The following NDRG4 variants were observed in gnomAD, a reference collection of about 807,000 sequenced individuals.
The protein encoded by NDRG4 is protein NDRG4.
Under a neutral mutation model 55.8 loss-of-function variants are expected in NDRG4, and 38 were observed. The ratio of observed to expected loss-of-function variants is 0.68; its 90% CI spans 0.53 to 0.89. NDRG4 has a LOEUF of 0.89. Ranked by LOEUF, NDRG4 falls within the 40% of genes least tolerant of loss-of-function variation. The pLI, the probability that NDRG4 is intolerant of heterozygous loss-of-function variation, is 0.00. For missense variants in NDRG4, 455 were observed against 468.6 expected (o/e 0.97, Z 0.27); for synonymous variants, 190 against 182.7 (o/e 1.04, Z -0.32).
intron 1 of NDRG4, chr16:58,465,057 G>C: frequency 7.8e-7 from 1 of 1,273,912 alleles, no homozygotes; most frequent in South Asian, 1.3e-5. Flanking sequence ...AAGAGCGAAC[G>C]GTCAGGAAGA....
chr16:58,467,748 C>T (rs891265248), intron 1 of NDRG4, among the ~76,000 whole-genome samples: 13 of 152,168 alleles, frequency 8.5e-5, no homozygotes, highest in African/African-American at 2.9e-4. Flanking sequence ...ATGGGATCGT[C>T]GTGGTGCCTA....
intron 1 of NDRG4, among the ~76,000 whole-genome samples, chr16:58,473,122 CCT>C (rs2033109584): frequency 6.6e-6 from 1 of 152,054 alleles, no homozygotes; most frequent in African/African-American, 2.4e-5. Context: ...ATTATCCTTC[CCT>C]CTGTTCCTTC....
chr16:58,500,173 C>T lies in NDRG4; in HGVS notation c.-76C>T. 6.5e-7 allele frequency: 1 copy of T among 1,535,852 alleles called. No individual in the cohort carries two copies. Among genetic ancestry groups the T allele is most frequent in the Non-Finnish European group, 8.7e-7 (1 of 1,146,800 alleles). On this transcript the variant is annotated 5_prime_UTR_variant, in exon 1 of 15. Coordinates refer to ENST00000570248, the MANE Select transcript of NDRG4 (RefSeq NM_001242835.2). ...GCCGACCATCTCCCACTCGAGCTGCCCCCGCCCTCTGGACCCGAGTGACTC... is the reference window on the plus strand; with the variant it reads ...GCCGACCATCTCCCACTCGAGCTGCTCCCGCCCTCTGGACCCGAGTGACTC...
intron 2 of NDRG4, chr16:58,494,813 T>C (rs534051871): frequency 2.3e-5 from 14 of 603,796 alleles, no homozygotes; most frequent in African/African-American, 1.4e-4. Flanking sequence ...GCCTGGGTGA[T>C]AGAGTGAGAC....
Position 58,505,713 on chromosome 16 carries a change from C to CTTTTTTTTTTTTTTTTTTTTTTT in NDRG4, c.373-670_373-648dup, listed in dbSNP as rs1028370131. ...ATTTATATCATGAGGGCTTCATTTT[C>CTTTTTTTTTTTTTTTTTTTTTTT]TTTTTTTTTTTTTTTTTTTTTTTTT... On this transcript the variant is annotated intron_variant, in intron 5 of 14. Transcript: ENST00000570248. Among the ~76,000 whole-genome samples, 8 of 58,634 alleles carry CTTTTTTTTTTTTTTTTTTTTTTT rather than the reference C, an allele frequency of 1.4e-4. 1 individual carries two copies. Among genetic ancestry groups the CTTTTTTTTTTTTTTTTTTTTTTT allele is most frequent in the African/African-American group, 6.1e-4 (8 of 13,026 alleles). The allele number at this position is 58,634 out of a possible 152,430, so 38.5% of individuals were successfully genotyped here.
rs772800875 is a variant in NDRG4, at chr16:58,511,615, C to A, written c.*39C>A. On this transcript the variant is annotated 3_prime_UTR_variant, in exon 15 of 15. Transcript: ENST00000570248. The stretch of plus-strand genomic sequence containing the variant: ...GCTGACGACGCCCACGTCGAGGCCC[C>A]ACCGCCATCCTTGCGCCGGCTCATG... 4 of 1,612,192 alleles carry A rather than the reference C, an allele frequency of 2.5e-6. No homozygotes were observed. Among genetic ancestry groups the A allele is most frequent in the Non-Finnish European group, 3.4e-6 (4 of 1,179,246 alleles).
At chr16:58,505,983 A>G in intron 5 of NDRG4, 1 of 320,190 alleles carries the variant, frequency 3.1e-6, no homozygotes, top group South Asian at 2.6e-5. Flanking sequence ...TGGCCTCCCA[A>G]AGTGCTGGGA....
chr16:58,506,169 T>C lies in NDRG4; in HGVS notation c.373-218T>C, dbSNP rs1048509739. On this transcript the variant is annotated intron_variant, in intron 5 of 14. Coordinates refer to ENST00000570248, the MANE Select transcript of NDRG4 (RefSeq NM_001242835.2). ...GTGTGTGTGTGTGTCTGTGTGTGTG[T>C]AGGGGTGGAAACAATGATAGAGATT... The C allele has an allele frequency of 1.0e-5, 7 of 673,198 alleles. No homozygotes were observed. In the East Asian group the frequency reaches 1.5e-4, roughly 14 times the overall value. The allele number at this position is 673,198 out of a possible 1,614,324, so 41.7% of individuals were successfully genotyped here. A position where few individuals can be genotyped will look rare whatever the true frequency, so the allele number is the denominator to read the frequency against.
intron 5 of NDRG4, among the ~76,000 whole-genome samples, chr16:58,505,708 ATTTTCTTTTTT>A (rs1159019228): frequency 4.2e-5 from 3 of 70,626 alleles, no homozygotes; most frequent in East Asian, 4.2e-4. Flanking sequence ...TGAGGGCTTC[ATTTTCTTTTTT>A]TTTTTTTTTT....
At chr16:58,471,602 C>T (rs1459541279) in intron 1 of NDRG4, among the ~76,000 whole-genome samples, 2 of 152,180 alleles carry the variant, frequency 1.3e-5, no homozygotes, top group Non-Finnish European at 2.9e-5. Context: ...AAGCTGTCAT[C>T]ATACACCACC....
rs781094472 is a variant in NDRG4, at chr16:58,503,914, C to A, written c.127+11C>A. On this transcript the variant is annotated intron_variant, in intron 2 of 14. Transcript: ENST00000570248. ...ATGTGGGCCTCAACCGTAAGTGCAGCCCAGCCTCAGTCAGCCCTCCTCTGC... is the reference window on the plus strand; with the variant it reads ...ATGTGGGCCTCAACCGTAAGTGCAGACCAGCCTCAGTCAGCCCTCCTCTGC... 1.2e-6 allele frequency: 2 copies of A among 1,613,078 alleles called. No homozygotes were observed. The highest frequency in any genetic ancestry group is 1.3e-5 in the African/African-American group (1 of 74,912).
At chr16:58,467,024 A>G (rs1401276182) in intron 1 of NDRG4, among the ~76,000 whole-genome samples, 1 of 152,106 alleles carries the variant, frequency 6.6e-6, no homozygotes, top group Non-Finnish European at 1.5e-5. Flanking sequence ...CCCCCATTGG[A>G]TAACAAGCAG....
At chr16:58,501,957 T>C (rs1207936560) in intron 1 of NDRG4, 1 of 455,520 alleles carries the variant, frequency 2.2e-6, no homozygotes, top group Non-Finnish European at 4.4e-6. Flanking sequence ...GGAGGCGCAT[T>C]GCAGTTCTTT....
intron 1 of NDRG4, among the ~76,000 whole-genome samples, chr16:58,470,386 G>C (rs533171721): frequency 1.3e-5 from 2 of 152,284 alleles, no homozygotes; most frequent in South Asian, 4.1e-4. Flanking sequence ...CTAAGGAGGA[G>C]GAACCAGCAA....
downstream of NDRG4, among the ~76,000 whole-genome samples, chr16:58,514,159 C>T (rs1350933429): frequency 6.6e-6 from 1 of 152,154 alleles, no homozygotes. Flanking sequence ...ACCAGATATA[C>T]TTATCCCTAA....
At chr16:58,473,870 G>C (rs1220636621) in intron 1 of NDRG4, among the ~76,000 whole-genome samples, 1 of 151,970 alleles carries the variant, frequency 6.6e-6, no homozygotes, top group African/African-American at 2.4e-5. Flanking sequence ...AAACCCTCCA[G>C]TGCATGTTTA....
intron 1 of NDRG4, among the ~76,000 whole-genome samples, chr16:58,465,503 G>T (rs929411540): frequency 6.6e-6 from 1 of 151,156 alleles, no homozygotes; most frequent in African/African-American, 2.4e-5. Flanking sequence ...AGGCTTGTTC[G>T]GGGAGAGGTA....
Position 58,512,437 on chromosome 16 carries a change from G to T in NDRG4, c.*861G>T. 3.9e-6 allele frequency: 1 copy of T among 256,002 alleles called. No homozygotes were observed. The highest frequency in any genetic ancestry group is 7.7e-6 in the Non-Finnish European group (1 of 129,272). The allele number at this position is 256,002 out of a possible 1,614,324, so 15.9% of individuals were successfully genotyped here. A position where few individuals can be genotyped will look rare whatever the true frequency, so the allele number is the denominator to read the frequency against. On this transcript the variant is annotated 3_prime_UTR_variant, in exon 15 of 15. Transcript: ENST00000570248. The stretch of plus-strand genomic sequence containing the variant: ...AGCCCGCAGGTGGCCAGAGGCAGGG[G>T]TAGCTGAGTTCCTGGAGACCCCTTT...
chr16:58,494,481 A>T (rs1377344968), intron 2 of NDRG4, among the ~76,000 whole-genome samples: 1 of 152,122 alleles, frequency 6.6e-6, no homozygotes, highest in Non-Finnish European at 1.5e-5. Context: ...AAAGTGACCA[A>T]CAGCAAGGAT....
Sources: allele counts gnomAD v4.1 joint callset (sites outside exome capture counted in the v4.1 genomes callset), GRCh38; gene constraint gnomAD v4.1.1; transcripts MANE v1.5; gene names NCBI Gene and HGNC (gene_info 2026-07-23, HGNC 2026-07-21).